DOCK4: variants seen among roughly 807,000 people sequenced by gnomAD.
The protein encoded by DOCK4 is dedicator of cytokinesis 4, also known as dedicator of cytokinesis protein 4.
A neutral mutation model predicts 268.1 loss-of-function variants in DOCK4; 97 were observed. The ratio of observed to expected loss-of-function variants is 0.36; its 90% CI spans 0.31 to 0.43. The LOEUF is 0.43. DOCK4 is among the 20% of genes least tolerant of loss of function. The probability of loss-of-function intolerance (pLI) is 1.00; values close to 1 mark genes in which losing one functional copy is unlikely to be tolerated. For synonymous variants in DOCK4, 954 were observed against 887.2 expected, an observed-to-expected ratio of 1.08 and a Z score of -1.34; for missense variants, 2,145 against 2,455.7, an observed-to-expected ratio of 0.87 and a Z score of 2.67.
chr7:111,776,820 T>G (rs778314248), intron 36 of DOCK4, among the ~76,000 whole-genome samples: 2 of 152,048 alleles, frequency 1.3e-5, no homozygotes, highest in Non-Finnish European at 2.9e-5. Context: ...AGGTGAGTAA[T>G]TTCTTTTTAT....
At chr7:111,855,680 G>C (rs1165538605) in intron 23 of DOCK4, among the ~76,000 whole-genome samples, 3 of 152,132 alleles carry the variant, frequency 2.0e-5, no homozygotes, top group African/African-American at 7.2e-5. Context: ...GATTTGCTCA[G>C]ATTTCCCTGC....
At chr7:111,972,720 C>CAAAA (rs113045899) in intron 8 of DOCK4, among the ~76,000 whole-genome samples, 45,934 of 151,606 alleles carry the variant, frequency 0.3, 8,840 homozygotes, top group African/African-American at 0.56. Context: ...TAAATATAAA[C>CAAAA]AAAATTTCCA....
chr7:111,782,853 A>C lies in DOCK4; in HGVS notation c.3585+11T>G. 1 of 1,613,276 alleles carries C rather than the reference A, an allele frequency of 6.2e-7. No individual in the cohort carries two copies. Among genetic ancestry groups the C allele is most frequent in the Non-Finnish European group, 8.5e-7 (1 of 1,179,404 alleles). On this transcript the variant is annotated intron_variant, in intron 35 of 52. Transcript: ENST00000428084. ...AGGAGAAAAGGAGAAAAAGGGGAAT[A>C]GTTTACTAACCAGAAGGCTAACTGT...
chr7:111,927,518 T>G (rs1793818792), intron 12 of DOCK4, among the ~76,000 whole-genome samples: 1 of 152,212 alleles, frequency 6.6e-6, no homozygotes, highest in African/African-American at 2.4e-5. Flanking sequence ...TCGAAGGGAT[T>G]TCAACATTTC....
intron 4 of DOCK4, 55 bp from the exon 5 acceptor site, chr7:111,994,286 G>T: frequency 2.6e-6 from 3 of 1,162,630 alleles, no homozygotes; most frequent in South Asian, 3.0e-5. Context: ...CAACAATTTT[G>T]TTTTAAATAC....
At chr7:112,073,762 TG>T (rs1807815040) in intron 1 of DOCK4, among the ~76,000 whole-genome samples, 1 of 151,798 alleles carries the variant, frequency 6.6e-6, no homozygotes, top group African/African-American at 2.4e-5. Flanking sequence ...GGGGAGGAGA[TG>T]GGGGAGGAGG....
At chr7:111,732,342 AT>A (rs944290029) in intron 51 of DOCK4, 55 bp from the exon 52 acceptor site, 2 of 1,570,174 alleles carry the variant, frequency 1.3e-6, no homozygotes, top group Non-Finnish European at 1.8e-6. Context: ...ACGATTGACT[AT>A]CTGCACATGC....
chr7:112,063,810 T>G (rs1201890325), intron 1 of DOCK4, among the ~76,000 whole-genome samples: 1 of 152,210 alleles, frequency 6.6e-6, no homozygotes, highest in Non-Finnish European at 1.5e-5. Flanking sequence ...TACAGTGTTG[T>G]CAGGGTAGGA....
chr7:111,987,511 A>T (rs756650035), intron 6 of DOCK4, among the ~76,000 whole-genome samples: 3 of 152,208 alleles, frequency 2.0e-5, no homozygotes, highest in Non-Finnish European at 4.4e-5. Flanking sequence ...AATATTAGGC[A>T]GCATAGGTTT....
At chr7:111,849,297 C>T (rs896804290) in intron 23 of DOCK4, among the ~76,000 whole-genome samples, 5 of 141,728 alleles carry the variant, frequency 3.5e-5, no homozygotes, top group Non-Finnish European at 6.0e-5. Context: ...GAGTCTTGCT[C>T]TGTTGCCCAG....
intron 5 of DOCK4, among the ~76,000 whole-genome samples, chr7:111,990,093 T>C (rs1388174536): frequency 1.3e-5 from 2 of 152,208 alleles, no homozygotes; most frequent in Non-Finnish European, 2.9e-5. Flanking sequence ...ACGGGTATTA[T>C]AGTACCTACT....
In DOCK4 at chr7:111,734,068, G is replaced by T. The variant is rs186204326; in HGVS notation, c.5419+986C>A. Among the ~76,000 whole-genome samples, 965 of 152,210 alleles carry T rather than the reference G, an allele frequency of 6.3e-3. 4 individuals are homozygous for T. Among genetic ancestry groups the T allele is most frequent in the Non-Finnish European group, 9.5e-3 (644 of 68,010 alleles). On this transcript the variant is annotated intron_variant, in intron 51 of 52. Coordinates refer to ENST00000428084, the MANE Select transcript of DOCK4 (RefSeq NM_001363540.2). Reference sequence around the variant, plus strand: ...TTCTCCCACCTAAGCCTCCCAACTAGCTAGGACTAGAGGTGTGTGCCACCA... The same window carrying T: ...TTCTCCCACCTAAGCCTCCCAACTATCTAGGACTAGAGGTGTGTGCCACCA...
intron 1 of DOCK4, among the ~76,000 whole-genome samples, chr7:112,051,557 C>T (rs906433504): frequency 1.3e-5 from 2 of 151,892 alleles, no homozygotes; most frequent in African/African-American, 4.8e-5. Context: ...AGTAAGATAT[C>T]TAAAAATGAT....
intron 1 of DOCK4, among the ~76,000 whole-genome samples, chr7:112,168,235 T>G (rs1817772271): frequency 6.6e-6 from 1 of 152,242 alleles, no homozygotes; most frequent in Non-Finnish European, 1.5e-5. Flanking sequence ...AAATGTTGCA[T>G]GATTCAAATG....
At chr7:111,860,912 C>G (rs10229922) in intron 23 of DOCK4, among the ~76,000 whole-genome samples, 48,615 of 152,134 alleles carry the variant, frequency 0.32, 7,866 homozygotes, top group East Asian at 0.35. Flanking sequence ...GCAATGAACA[C>G]AAACCCCTAT....
intron 23 of DOCK4, among the ~76,000 whole-genome samples, chr7:111,849,041 C>T (rs73715278): frequency 0.16 from 24,961 of 152,110 alleles, 2,388 homozygotes; most frequent in African/African-American, 0.25. Context: ...GTAACCGGGC[C>T]CTAGAGCTGC....
intron 52 of DOCK4, among the ~76,000 whole-genome samples, chr7:111,731,629 A>C (rs1795089760): frequency 6.6e-6 from 1 of 152,188 alleles, no homozygotes; most frequent in Non-Finnish European, 1.5e-5. Context: ...AACCAATTCG[A>C]ATGTCTGACC....
intron 25 of DOCK4, among the ~76,000 whole-genome samples, chr7:111,838,300 C>CT (rs1357866614): frequency 6.6e-6 from 1 of 151,938 alleles, no homozygotes; most frequent in Non-Finnish European, 1.5e-5. Context: ...CACTTACTGA[C>CT]TTTAAGATTT....
chr7:112,177,103 T>G (rs1172583786), intron 1 of DOCK4, among the ~76,000 whole-genome samples: 1 of 152,190 alleles, frequency 6.6e-6, no homozygotes, highest in African/African-American at 2.4e-5. Flanking sequence ...GAACAAGTAG[T>G]TGGGGAGAGA....
Sources: allele counts gnomAD v4.1 joint callset (sites outside exome capture counted in the v4.1 genomes callset), GRCh38; gene constraint gnomAD v4.1.1; transcripts MANE v1.5; gene names NCBI Gene and HGNC (gene_info 2026-07-23, HGNC 2026-07-21).